OTUD7B: variants seen among roughly 807,000 people sequenced by gnomAD.
OTUD7B encodes the protein OTU deubiquitinase 7B, also known as OTU domain-containing protein 7B.
Under a neutral mutation model 82.2 loss-of-function variants are expected in OTUD7B, and 34 were observed. The ratio of observed to expected loss-of-function variants is 0.41; its 90% confidence interval spans 0.31 to 0.55. The LOEUF is 0.55. Ranked by LOEUF, OTUD7B falls within the 20% of genes least tolerant of loss-of-function variation. OTUD7B has a pLI of 0.20. For missense variants in OTUD7B, 944 were observed against 1,062.1 expected, an observed-to-expected ratio of 0.89 and a Z score of 1.55; for synonymous variants, 398 against 402.7, an observed-to-expected ratio of 0.99 and a Z score of 0.14.
the OTUD7B span, among the ~76,000 whole-genome samples, chr1:150,016,457 T>C: frequency 8.2e-5 from 12 of 147,202 alleles, no homozygotes; most frequent in South Asian, 1.3e-3. Flanking sequence ...TTTTTCTTTT[T>C]TTTTTTTTTT....
At chr1:149,989,647 G>A (rs1368837758) in intron 1 of OTUD7B, among the ~76,000 whole-genome samples, 1 of 150,248 alleles carries the variant, frequency 6.7e-6, no homozygotes, top group East Asian at 2.0e-4. Flanking sequence ...GCTGAGCCAA[G>A]AGGATCAATC....
intron 1 of OTUD7B, among the ~76,000 whole-genome samples, chr1:149,991,339 T>G (rs943346265): frequency 6.6e-6 from 1 of 152,168 alleles, no homozygotes; most frequent in Non-Finnish European, 1.5e-5. Context: ...ATCGTACCTT[T>G]TATAATAATA....
upstream of OTUD7B, among the ~76,000 whole-genome samples, chr1:150,014,036 GTA>G (rs1163621407): frequency 4.9e-5 from 5 of 102,670 alleles, no homozygotes; most frequent in Non-Finnish European, 7.8e-5. Context: ...GTATATATAC[GTA>G]TATATGTGTG....
chr1:150,003,257 A>AC (rs1652427375), intron 1 of OTUD7B, among the ~76,000 whole-genome samples: 1 of 10,862 alleles, frequency 9.2e-5, no homozygotes, highest in Non-Finnish European at 1.7e-4. Flanking sequence ...CTCAAAAAAA[A>AC]AAAAAAAAAG....
At chr1:150,018,543 A>C in the OTUD7B span, among the ~76,000 whole-genome samples, 3 of 152,170 alleles carry the variant, frequency 2.0e-5, no homozygotes, top group Non-Finnish European at 4.4e-5. Context: ...ATGAGCAAAA[A>C]ATACTCAGCA....
At chr1:150,035,962 T>TG in the OTUD7B span, among the ~76,000 whole-genome samples, 16 of 151,016 alleles carry the variant, frequency 1.1e-4, no homozygotes, top group South Asian at 1.1e-3. Flanking sequence ...TAACTGTTTT[T>TG]TTTTTTTTTT....
At chr1:150,054,240 G>T in the OTUD7B span, 1 of 448,224 alleles carries the variant, frequency 2.2e-6, no homozygotes, top group Non-Finnish European at 4.3e-6. Context: ...AAGCTGTTGA[G>T]CCAAGGAAAA....
At chr1:150,027,643 A>G in the OTUD7B span, among the ~76,000 whole-genome samples, 2 of 152,192 alleles carry the variant, frequency 1.3e-5, no homozygotes, top group South Asian at 4.1e-4. Flanking sequence ...AGAAGTGATC[A>G]ACTTGACATT....
chr1:150,062,195 C>T, the OTUD7B span, among the ~76,000 whole-genome samples: 7 of 152,256 alleles, frequency 4.6e-5, no homozygotes, highest in Middle Eastern at 3.4e-3. Flanking sequence ...ACCAAGGGGA[C>T]GAATTTTTGA....
chr1:149,987,272 A>T (rs1253401146), intron 1 of OTUD7B, among the ~76,000 whole-genome samples: 1 of 152,196 alleles, frequency 6.6e-6, no homozygotes, highest in Non-Finnish European at 1.5e-5. Context: ...TTGTCCAGGG[A>T]GGAGGACTAA....
chr1:150,026,865 C>T, the OTUD7B span, among the ~76,000 whole-genome samples: 9 of 152,156 alleles, frequency 5.9e-5, no homozygotes, highest in South Asian at 4.2e-4. Flanking sequence ...AATATGTCTC[C>T]GATTACTGCT....
In OTUD7B at chr1:149,944,598, G is replaced by C; in HGVS notation, c.1791C>G (p.Ser597Arg). The change falls in exon 12 of 12, where the codon AGC becomes AGG. Residue 597 changes from serine to arginine, a missense_variant. By Grantham distance (110) the Ser-to-Arg change is moderately radical. This residue lies in a region of OTUD7B where 412 missense variants were observed against 418.7 expected (regional missense o/e 0.98). Transcript: ENST00000581312. Reference sequence around the variant, plus strand: ...CCCCTTGCATGGCAGTCCTCAGAATGCTCAGGCTCTGCATCACCTCCTGGC... The same window carrying C: ...CCCCTTGCATGGCAGTCCTCAGAATCCTCAGGCTCTGCATCACCTCCTGGC... ...KYSQEVMQSL[S>R]ILRTAMQGEG... The C allele has an allele frequency of 6.2e-7, 1 of 1,614,074 alleles. No homozygotes were observed. Among genetic ancestry groups the C allele is most frequent in the Admixed American group, 1.7e-5 (1 of 60,024 alleles).
chr1:150,021,174 G>T, the OTUD7B span, among the ~76,000 whole-genome samples: 1 of 152,122 alleles, frequency 6.6e-6, no homozygotes, highest in African/African-American at 2.4e-5. Flanking sequence ...AAATGAGTCA[G>T]ATTTTTCCCC....
At chr1:150,036,761 G>A in the OTUD7B span, among the ~76,000 whole-genome samples, 1 of 152,070 alleles carries the variant, frequency 6.6e-6, no homozygotes, top group Non-Finnish European at 1.5e-5. Flanking sequence ...TACACTTTAA[G>A]ACCATTTCCA....
the OTUD7B span, among the ~76,000 whole-genome samples, chr1:150,018,046 C>A: frequency 1.3e-5 from 2 of 152,042 alleles, no homozygotes; most frequent in South Asian, 4.2e-4. Context: ...ATAGCAACAA[C>A]CATAGAGATG....
Position 149,967,515 on chromosome 1 carries a change from C to T in OTUD7B, c.281G>A (p.Arg94His), listed in dbSNP as rs781917234. The T allele has an allele frequency of 5.7e-5, 91 of 1,592,948 alleles. No individual in the cohort carries two copies. In the Admixed American group the frequency reaches 1.4e-3, roughly 25 times the overall value. ...GGCGTGGGAGATGCCCCTAGACAGG[C>T]GTTTTTCTGCAATGAGAAATGGAGT... ...QRQDDIVQEKRLSRGISHASS... is the reference protein window; with the variant it reads ...QRQDDIVQEKHLSRGISHASS... The change falls in exon 4 of 12, where the codon CGC becomes CAC. Residue 94 changes from arginine to histidine, a missense_variant. Arg to His is a conservative substitution (Grantham distance 29). This residue lies in a region of OTUD7B where 530 missense variants were observed against 625.6 expected (regional missense o/e 0.85). Coordinates refer to ENST00000581312, the MANE Select transcript of OTUD7B (RefSeq NM_020205.4).
intron 1 of OTUD7B, among the ~76,000 whole-genome samples, chr1:149,997,320 C>G (rs1244873818): frequency 6.6e-6 from 1 of 152,128 alleles, no homozygotes; most frequent in African/African-American, 2.4e-5. Flanking sequence ...TAAAAAATCT[C>G]CTATTAGCAA....
At chr1:150,010,790 C>T (rs1348969456), upstream of OTUD7B, 1 of 152,194 alleles carries the variant, frequency 6.6e-6, no homozygotes, top group African/African-American at 2.4e-5. Context: ...GGTGGTGACA[C>T]CCAGGCCGCC....
At position 149,944,902 on chromosome 1, in the gene OTUD7B, T is replaced by C. The variant is rs1409448344; in HGVS notation, c.1487A>G (p.Lys496Arg). Residue 496 changes from lysine to arginine, a missense_variant, in exon 12 of 12, where the codon AAG becomes AGG. Lys to Arg is a conservative substitution (Grantham distance 26). Transcript: ENST00000581312. The part of the protein sequence containing the change: ...EKSKRDREKD[K>R]KRADSVANKL... ...GTTAGCCACAGAATCTGCTCTCTTC[T>C]TGTCCTTCTCCCGATCTCGCTTTGA... 1 of 1,614,050 alleles carries C rather than the reference T, an allele frequency of 6.2e-7. No individual in the cohort carries two copies. The highest frequency in any genetic ancestry group is 8.5e-7 in the Non-Finnish European group (1 of 1,180,048).
Sources: gnomAD v4.1 joint callset for allele counts (sites outside exome capture counted in the v4.1 genomes callset) on GRCh38, gnomAD v4.1.1 for gene constraint, gnomAD v4.1.1 regional missense constraint, MANE v1.5 for transcripts, NCBI Gene and HGNC (gene_info 2026-07-23, HGNC 2026-07-21) for gene names.